UBE2E1: variants seen among roughly 807,000 people sequenced by gnomAD.
UBE2E1 encodes the protein ubiquitin-conjugating enzyme E2 E1.
A neutral mutation model predicts 21.4 loss-of-function variants in UBE2E1; 6 were observed. The observed-to-expected ratio is 0.28, with a 90% CI of 0.15 to 0.55. UBE2E1 has a LOEUF of 0.55. Ranked by LOEUF, UBE2E1 falls within the 20% of genes least tolerant of loss-of-function variation. UBE2E1 has a pLI of 0.93. For missense variants in UBE2E1, 142 were observed against 236.5 expected (o/e 0.60, Z 2.62); for synonymous variants, 87 against 82.7 (o/e 1.05, Z -0.28).
intron 3 of UBE2E1, among the ~76,000 whole-genome samples, chr3:23,824,034 A>G (rs865959551): frequency 6.6e-6 from 1 of 152,248 alleles, no homozygotes; most frequent in African/African-American, 2.4e-5. Context: ...TATTGAGGAC[A>G]CAGTTCTTGT....
intron 3 of UBE2E1, among the ~76,000 whole-genome samples, chr3:23,874,663 C>T (rs1470942592): frequency 2.0e-5 from 3 of 152,060 alleles, no homozygotes; most frequent in Admixed American, 6.6e-5. Context: ...ACTTCTTGGG[C>T]GAAAGGGCAG....
intron 3 of UBE2E1, among the ~76,000 whole-genome samples, chr3:23,837,830 C>T (rs1443620750): frequency 1.3e-5 from 2 of 152,184 alleles, no homozygotes; most frequent in Admixed American, 1.3e-4. Context: ...ATACTACAAA[C>T]TTTCAATAGA....
chr3:23,848,481 A>C (rs1381498786), intron 3 of UBE2E1, among the ~76,000 whole-genome samples: 4 of 152,008 alleles, frequency 2.6e-5, no homozygotes, highest in Admixed American at 2.6e-4. Context: ...AAAAAAAAAA[A>C]ACAAAAAACA....
chr3:23,819,012 C>T (rs1046895619), intron 3 of UBE2E1, among the ~76,000 whole-genome samples: 7 of 152,164 alleles, frequency 4.6e-5, no homozygotes, highest in South Asian at 2.1e-4. Flanking sequence ...AGTCCGGGCA[C>T]GGTGGCTTAC....
At chr3:23,878,015 T>C (rs1700953382) in intron 3 of UBE2E1, among the ~76,000 whole-genome samples, 1 of 152,204 alleles carries the variant, frequency 6.6e-6, no homozygotes, top group African/African-American at 2.4e-5. Context: ...CTTCTGCTGC[T>C]GTCCGCATGT....
intron 3 of UBE2E1, among the ~76,000 whole-genome samples, chr3:23,881,481 T>A (rs561916348): frequency 3.7e-4 from 56 of 152,312 alleles, no homozygotes; most frequent in African/African-American, 1.3e-3. Context: ...ACAGTTAAAT[T>A]TCAATGTCTT....
At chr3:23,874,045 C>T (rs1265976754) in intron 3 of UBE2E1, among the ~76,000 whole-genome samples, 2 of 152,240 alleles carry the variant, frequency 1.3e-5, no homozygotes, top group Non-Finnish European at 2.9e-5. Flanking sequence ...ACTTGTGTCA[C>T]TTCCCATGCT....
chr3:23,856,488 C>G (rs930902714), intron 3 of UBE2E1, among the ~76,000 whole-genome samples: 8 of 152,212 alleles, frequency 5.3e-5, no homozygotes, highest in African/African-American at 1.9e-4. Context: ...CATTATTTTC[C>G]TGGTACATTG....
chr3:23,853,541 GTT>G lies in UBE2E1; in HGVS notation c.204-34018_204-34017del, dbSNP rs953792213. On this transcript the variant is annotated intron_variant, in intron 3 of 5. Coordinates refer to ENST00000306627, the MANE Select transcript of UBE2E1 (RefSeq NM_003341.5). This position sits in a 1 kb window ranked among gnomAD's most constrained non-coding sequence, Gnocchi z 4.1. ...AGATTACAAAGATTTTTCTTCTGTT[GTT>G]TTTTTTTAATATAAGTTTTATGGTT... is the stretch of plus-strand genomic sequence containing the variant. Among the ~76,000 whole-genome samples the G allele has an allele frequency of 6.6e-6, 1 of 150,688 alleles. No homozygotes were observed. The highest frequency in any genetic ancestry group is 1.5e-5 in the Non-Finnish European group (1 of 67,594).
intron 3 of UBE2E1, among the ~76,000 whole-genome samples, chr3:23,882,754 G>A (rs916577164): frequency 6.6e-6 from 1 of 152,214 alleles, no homozygotes. Context: ...GGGACCAGGC[G>A]CACCCTCTGC....
rs376757085 is a variant in UBE2E1, at chr3:23,836,318, C to T, written c.203+24808C>T. Among the ~76,000 whole-genome samples, 1 of 152,170 alleles carries T rather than the reference C, an allele frequency of 6.6e-6. No individual in the cohort carries two copies. The highest frequency in any genetic ancestry group is 1.5e-5 in the Non-Finnish European group (1 of 68,012). ...AATGCTATATAAAAAAAGAGTTTCTCTTTTCACTTAGTCCTCACAAGTTTT... is the reference window on the plus strand; with the variant it reads ...AATGCTATATAAAAAAAGAGTTTCTTTTTTCACTTAGTCCTCACAAGTTTT... On this transcript the variant is annotated intron_variant, in intron 3 of 5. Coordinates refer to ENST00000306627, the MANE Select transcript of UBE2E1 (RefSeq NM_003341.5). This position sits in a 1 kb window ranked among gnomAD's most constrained non-coding sequence, Gnocchi z 4.1.
chr3:23,862,369 T>G (rs148446915), intron 3 of UBE2E1, among the ~76,000 whole-genome samples: 272 of 152,346 alleles, frequency 1.8e-3, no homozygotes, highest in African/African-American at 6.1e-3. Context: ...AAAAACGTAT[T>G]AAGCTCTGTA....
intron 4 of UBE2E1, chr3:23,888,117 A>G: frequency 2.4e-6 from 1 of 420,890 alleles, no homozygotes. Context: ...ACAAAGCAAG[A>G]CCCCAAAAAA....
At chr3:23,888,168 A>T in intron 4 of UBE2E1, 1 of 455,368 alleles carries the variant, frequency 2.2e-6, no homozygotes, top group South Asian at 1.6e-5. Context: ...AGAGAATCAG[A>T]ATCTCTTCCC....
intron 3 of UBE2E1, among the ~76,000 whole-genome samples, chr3:23,841,136 G>C (rs569932027): frequency 2.0e-5 from 3 of 152,238 alleles, no homozygotes; most frequent in Non-Finnish European, 2.9e-5. Context: ...TAGAGATGCG[G>C]GTGAACTGTT....
At chr3:23,846,698 C>CGAAAA (rs1553638100) in intron 3 of UBE2E1, among the ~76,000 whole-genome samples, 1 of 89,854 alleles carries the variant, frequency 1.1e-5, no homozygotes, top group Admixed American at 1.4e-4. Flanking sequence ...TCCATCTCAT[C>CGAAAA]AAAAAAAAAA....
chr3:23,872,636 C>T lies in UBE2E1; in HGVS notation c.204-14931C>T, dbSNP rs973099314. ...ATTTTTACCATATTCACAATTAAAA[C>T]AATTATTTAAAACATCTATGATTGA... On this transcript the variant is annotated intron_variant, in intron 3 of 5. Coordinates refer to ENST00000306627, the MANE Select transcript of UBE2E1 (RefSeq NM_003341.5). Among the ~76,000 whole-genome samples the T allele has an allele frequency of 9.9e-5, 15 of 152,124 alleles. 1 individual carries two copies. The highest frequency in any genetic ancestry group is 1.8e-4 in the Non-Finnish European group (12 of 68,008).
chr3:23,868,740 A>T (rs1700712134), intron 3 of UBE2E1, among the ~76,000 whole-genome samples: 1 of 151,752 alleles, frequency 6.6e-6, no homozygotes, highest in African/African-American at 2.4e-5. Context: ...TTTAATCTCA[A>T]TAATTGGAAT....
At chr3:23,883,901 T>G (rs1575041464) in intron 3 of UBE2E1, among the ~76,000 whole-genome samples, 1 of 117,658 alleles carries the variant, frequency 8.5e-6, no homozygotes. Flanking sequence ...GGGTGACAGA[T>G]CTCAAAAAAA....
Sources: gnomAD v4.1 joint callset for allele counts (sites outside exome capture counted in the v4.1 genomes callset) on GRCh38, gnomAD v4.1.1 for gene constraint, Gnocchi (gnomAD v3.1) non-coding constraint, MANE v1.5 for transcripts, NCBI Gene and HGNC (gene_info 2026-07-23, HGNC 2026-07-21) for gene names.